The following PLD1 variants were observed in gnomAD, a reference collection of about 807,000 sequenced individuals.
PLD1 encodes choline phosphatase 1.
In PLD1, 112 loss-of-function variants were observed where a neutral mutation model predicts 137.1. That is an observed-to-expected ratio of 0.82 (90% CI 0.70 to 0.96). The LOEUF (loss-of-function observed/expected upper bound fraction) is 0.96, where lower values mean the gene tolerates loss of function less well. Ranked by LOEUF, PLD1 falls within the 40% of genes least tolerant of loss-of-function variation. The pLI, the probability that PLD1 is intolerant of heterozygous loss-of-function variation, is 0.00. For synonymous variants in PLD1, 431 were observed against 454.7 expected, an observed-to-expected ratio of 0.95 and a Z score of 0.66; for missense variants, 1,321 against 1,342.0, an observed-to-expected ratio of 0.98 and a Z score of 0.24.
intron 26 of PLD1, among the ~76,000 whole-genome samples, chr3:171,603,901 C>T (rs1354758374): frequency 6.6e-6 from 1 of 152,078 alleles, no homozygotes; most frequent in African/African-American, 2.4e-5. Context: ...CCTGTTATCC[C>T]CAAAATGTCT....
chr3:171,715,565 G>A (rs1309457512), intron 8 of PLD1, among the ~76,000 whole-genome samples: 3 of 151,604 alleles, frequency 2.0e-5, no homozygotes, highest in African/African-American at 7.3e-5. Flanking sequence ...TGGATAGTAT[G>A]GTCATTTTAA....
intron 1 of PLD1, among the ~76,000 whole-genome samples, chr3:171,741,668 T>G (rs187213934): frequency 3.3e-5 from 5 of 152,356 alleles, no homozygotes; most frequent in African/African-American, 1.2e-4. Context: ...TGCATTTGTA[T>G]CTGGAAAGCA....
chr3:171,726,682 G>A (rs774325327), intron 6 of PLD1, among the ~76,000 whole-genome samples: 5 of 152,206 alleles, frequency 3.3e-5, no homozygotes, highest in Admixed American at 6.5e-5. Context: ...GAGTTGAAGA[G>A]GAAGAGAATT....
chr3:171,603,234 G>A lies in PLD1; in HGVS notation c.3069C>T (p.Pro1023=), dbSNP rs932577500. The A allele has an allele frequency of 1.4e-5, 22 of 1,613,854 alleles. No homozygotes were observed. The highest frequency in any genetic ancestry group is 1.7e-5 in the Admixed American group (1 of 59,964). The change falls in exon 27 of 27, where the codon CCC becomes CCT. Residue 1023 remains proline, a synonymous_variant. Transcript: ENST00000351298. ...GAATGGGATCTTCCTTAGCTAATAC[G>A]GGCTTGTTTATAAAGTCTCTCAGCT... ...LIQLRDFINK[P]VLAKEDPIRA...
At chr3:171,607,373 T>C (rs1732296952) in intron 25 of PLD1, among the ~76,000 whole-genome samples, 1 of 152,058 alleles carries the variant, frequency 6.6e-6, no homozygotes, top group African/African-American at 2.4e-5. Context: ...CAGAAAGAGT[T>C]TTTCTGTAAC....
At chr3:171,744,085 C>T (rs1719967643) in intron 1 of PLD1, among the ~76,000 whole-genome samples, 1 of 152,230 alleles carries the variant, frequency 6.6e-6, no homozygotes, top group Non-Finnish European at 1.5e-5. Context: ...GCAATCACAG[C>T]TAACACAGCA....
chr3:171,717,657 T>A (rs1717778701), intron 8 of PLD1, among the ~76,000 whole-genome samples: 1 of 152,222 alleles, frequency 6.6e-6, no homozygotes, highest in Non-Finnish European at 1.5e-5. Context: ...AGATATAGAA[T>A]CATGTCATCT....
At chr3:171,798,790 G>A (rs1723527480) in intron 1 of PLD1, among the ~76,000 whole-genome samples, 1 of 152,154 alleles carries the variant, frequency 6.6e-6, no homozygotes, top group African/African-American at 2.4e-5. Flanking sequence ...CATATTACCT[G>A]ACCGTCCTGA....
intron 1 of PLD1, chr3:171,792,894 G>A (rs1039517791): frequency 3.0e-6 from 1 of 331,256 alleles, no homozygotes; most frequent in Non-Finnish European, 5.9e-6. Context: ...TTTGGCCCAC[G>A]GTCATCAACA....
chr3:171,786,407 T>A (rs1178049737), intron 1 of PLD1, among the ~76,000 whole-genome samples: 1 of 152,104 alleles, frequency 6.6e-6, no homozygotes, highest in Non-Finnish European at 1.5e-5. Flanking sequence ...CTCAAGTCCA[T>A]CTGGAAATGG....
intron 21 of PLD1, chr3:171,653,288 A>T (rs1265019161): frequency 6.6e-6 from 1 of 152,282 alleles, no homozygotes; most frequent in African/African-American, 2.4e-5. Flanking sequence ...GATTTCAATT[A>T]GAAGGCTTGC....
At chr3:171,703,681 G>A (rs1003243031) in intron 11 of PLD1, among the ~76,000 whole-genome samples, 49 of 152,286 alleles carry the variant, frequency 3.2e-4, no homozygotes, top group African/African-American at 1.2e-3. Context: ...AGCTAAATAA[G>A]TGGAAGCCTC....
intron 23 of PLD1, among the ~76,000 whole-genome samples, chr3:171,623,796 G>A (rs1303027615): frequency 1.3e-5 from 2 of 151,962 alleles, no homozygotes; most frequent in African/African-American, 4.8e-5. Flanking sequence ...TAAGGACAAG[G>A]CCTTTTCAAT....
At chr3:171,683,767 T>C (rs563760417) in intron 16 of PLD1, among the ~76,000 whole-genome samples, 1 of 152,334 alleles carries the variant, frequency 6.6e-6, no homozygotes, top group African/African-American at 2.4e-5. Context: ...TTAATTGCAC[T>C]TCATCTGTTT....
intron 1 of PLD1, chr3:171,792,599 G>A (rs570108744): frequency 6.6e-6 from 3 of 456,742 alleles, no homozygotes; most frequent in South Asian, 4.6e-5. Flanking sequence ...GACTGGCTGA[G>A]GCTGATGGAG....
chr3:171,808,051 C>G (rs549486287), intron 1 of PLD1, among the ~76,000 whole-genome samples: 2 of 152,156 alleles, frequency 1.3e-5, no homozygotes, highest in African/African-American at 4.8e-5. Flanking sequence ...GAGACGGCAA[C>G]AATAGACACT....
intron 12 of PLD1, among the ~76,000 whole-genome samples, chr3:171,693,839 G>C (rs1039479306): frequency 6.6e-5 from 10 of 152,180 alleles, no homozygotes; most frequent in African/African-American, 2.4e-4. Flanking sequence ...ATTAGTCATT[G>C]TTTATAAGGG....
At chr3:171,674,461 G>T in intron 19 of PLD1, 39 bp downstream of exon 19, 3 of 1,060,106 alleles carry the variant, frequency 2.8e-6, no homozygotes, top group Non-Finnish European at 4.3e-6. Context: ...ATTTTACTCA[G>T]TAGCATTTTG....
chr3:171,653,530 T>A (rs529245661), intron 21 of PLD1: 1 of 152,318 alleles, frequency 6.6e-6, no homozygotes, highest in Admixed American at 6.5e-5. Flanking sequence ...AGTCACATGA[T>A]GAACAACAGC....
Sources: gnomAD v4.1 joint callset for allele counts (sites outside exome capture counted in the v4.1 genomes callset) on GRCh38, gnomAD v4.1.1 for gene constraint, MANE v1.5 for transcripts, NCBI Gene and HGNC (gene_info 2026-07-23, HGNC 2026-07-21) for gene names.